Variants in FGGY observed in about 807,000 individuals in gnomAD.
FGGY encodes FGGY carbohydrate kinase domain containing.
Under a neutral mutation model 71.3 loss-of-function variants are expected in FGGY, and 72 were observed. That is an observed-to-expected ratio of 1.01 (90% CI 0.84 to 1.23). FGGY has a LOEUF of 1.23. Ranked by LOEUF, FGGY falls within the 50% of genes most tolerant of loss-of-function variation. The probability of loss-of-function intolerance (pLI) is 0.00; values close to 1 mark genes in which losing one functional copy is unlikely to be tolerated. For missense variants in FGGY, 668 were observed against 682.3 expected (o/e 0.98, Z 0.23); for synonymous variants, 251 against 250.3 (o/e 1.00, Z -0.02).
intron 15 of FGGY, among the ~76,000 whole-genome samples, chr1:59,759,948 TA>T: frequency 6.6e-6 from 1 of 152,330 alleles, no homozygotes; most frequent in Non-Finnish European, 1.5e-5. Context: ...AAGAGTCACT[TA>T]AATGTGCTTT....
chr1:59,339,067 A>G (rs978984953), intron 2 of FGGY, among the ~76,000 whole-genome samples: 1 of 152,250 alleles, frequency 6.6e-6, no homozygotes, highest in African/African-American at 2.4e-5. Flanking sequence ...TTCAGTGTAC[A>G]TAAACTTTGT....
At chr1:59,379,216 AG>A (rs1300837227) in intron 5 of FGGY, among the ~76,000 whole-genome samples, 1 of 127,242 alleles carries the variant, frequency 7.9e-6, no homozygotes, top group Non-Finnish European at 1.7e-5. Flanking sequence ...CCTTAAGGAC[AG>A]GGATACATTC....
intron 5 of FGGY, among the ~76,000 whole-genome samples, chr1:59,383,675 A>G (rs942238841): frequency 1.3e-5 from 2 of 152,154 alleles, no homozygotes; most frequent in African/African-American, 2.4e-5. Flanking sequence ...CTTCATCTGC[A>G]TATTAAAACC....
intron 11 of FGGY, among the ~76,000 whole-genome samples, chr1:59,644,467 C>T (rs1408791983): frequency 6.6e-6 from 1 of 152,110 alleles, no homozygotes; most frequent in Admixed American, 6.5e-5. Flanking sequence ...ACTATGTAAA[C>T]ATTTCTCCTT....
intron 10 of FGGY, among the ~76,000 whole-genome samples, chr1:59,628,044 A>C (rs1344645244): frequency 6.6e-6 from 1 of 152,230 alleles, no homozygotes; most frequent in Non-Finnish European, 1.5e-5. Flanking sequence ...GGCAAGAATC[A>C]TTAATGGATG....
At chr1:59,694,355 A>G (rs1398127608) in intron 14 of FGGY, among the ~76,000 whole-genome samples, 4 of 151,918 alleles carry the variant, frequency 2.6e-5, no homozygotes, top group African/African-American at 7.2e-5. Flanking sequence ...GCTCCATGTG[A>G]TACAAGTGAG....
intron 4 of FGGY, among the ~76,000 whole-genome samples, chr1:59,370,945 C>A (rs2057504892): frequency 6.6e-6 from 1 of 152,008 alleles, no homozygotes; most frequent in Non-Finnish European, 1.5e-5. Flanking sequence ...CCAGCCACTG[C>A]AAAATCATGG....
intron 14 of FGGY, among the ~76,000 whole-genome samples, chr1:59,709,225 T>C (rs933830002): frequency 2.0e-5 from 3 of 152,040 alleles, no homozygotes; most frequent in African/African-American, 7.3e-5. Context: ...AAACTTACAA[T>C]CATGGTGGAA....
At chr1:59,751,572 T>C (rs2101698416) in intron 14 of FGGY, among the ~76,000 whole-genome samples, 1 of 152,372 alleles carries the variant, frequency 6.6e-6, no homozygotes, top group South Asian at 2.1e-4. Flanking sequence ...CATGTAAAAG[T>C]ACACTATATG....
intron 14 of FGGY, among the ~76,000 whole-genome samples, chr1:59,681,276 C>A (rs1344577873): frequency 6.6e-6 from 1 of 152,118 alleles, no homozygotes. Flanking sequence ...TACTTAAATG[C>A]TATTGTTATT....
At chr1:59,629,547 A>G (rs2096889282) in intron 10 of FGGY, among the ~76,000 whole-genome samples, 1 of 152,220 alleles carries the variant, frequency 6.6e-6, no homozygotes, top group Non-Finnish European at 1.5e-5. Context: ...CATAGAGACC[A>G]TATAACCTAG....
intron 8 of FGGY, among the ~76,000 whole-genome samples, chr1:59,571,722 A>C (rs2095988744): frequency 6.6e-6 from 1 of 152,220 alleles, no homozygotes; most frequent in Non-Finnish European, 1.5e-5. Context: ...TAATAGCATG[A>C]ATAACTAAGT....
intron 7 of FGGY, among the ~76,000 whole-genome samples, chr1:59,525,208 G>A (rs2094944186): frequency 1.3e-5 from 2 of 152,200 alleles, no homozygotes; most frequent in South Asian, 2.1e-4. Flanking sequence ...GTCTGGTTGT[G>A]TGCAGTGGCC....
At chr1:59,611,469 A>C (rs995133095) in intron 9 of FGGY, among the ~76,000 whole-genome samples, 1 of 152,218 alleles carries the variant, frequency 6.6e-6, no homozygotes, top group African/African-American at 2.4e-5. Flanking sequence ...TAACAAACAG[A>C]AAGGACATCC....
intron 14 of FGGY, among the ~76,000 whole-genome samples, chr1:59,744,106 C>A (rs2098173362): frequency 6.6e-6 from 1 of 152,180 alleles, no homozygotes; most frequent in East Asian, 1.9e-4. Context: ...TTGTGACTGG[C>A]ACTAATTTCA....
chr1:59,467,031 A>G (rs1186010347), intron 6 of FGGY, among the ~76,000 whole-genome samples: 1 of 152,160 alleles, frequency 6.6e-6, no homozygotes, highest in Non-Finnish European at 1.5e-5. Context: ...ACATCATGCT[A>G]CTATAAAGAC....
chr1:59,531,605 A>G (rs2095145548), intron 7 of FGGY, among the ~76,000 whole-genome samples: 1 of 152,200 alleles, frequency 6.6e-6, no homozygotes, highest in African/African-American at 2.4e-5. Context: ...ATTTGGACTC[A>G]ACATTTCCAC....
chr1:59,373,329 C>G (rs909998402), intron 4 of FGGY, among the ~76,000 whole-genome samples: 4 of 152,106 alleles, frequency 2.6e-5, no homozygotes, highest in Non-Finnish European at 5.9e-5. Context: ...GAATAAAATA[C>G]CTAGGAATCC....
chr1:59,706,415 CTATT>C (rs1253481632), intron 14 of FGGY, among the ~76,000 whole-genome samples: 1 of 152,154 alleles, frequency 6.6e-6, no homozygotes, highest in African/African-American at 2.4e-5. Flanking sequence ...ACATGGGTCA[CTATT>C]TATAAAGTAC....
Sources: gnomAD v4.1 joint callset for allele counts (sites outside exome capture counted in the v4.1 genomes callset) on GRCh38, gnomAD v4.1.1 for gene constraint, MANE v1.5 for transcripts, NCBI Gene and HGNC (gene_info 2026-07-23, HGNC 2026-07-21) for gene names.